Variants in BYSL observed in about 807,000 individuals in gnomAD.
BYSL encodes bystin.
Under a neutral mutation model 45.4 loss-of-function variants are expected in BYSL, and 21 were observed. That is an observed-to-expected ratio of 0.46 (90% CI 0.33 to 0.67). BYSL has a LOEUF of 0.67. Among genes scored for constraint, BYSL ranks in the 30% least tolerant of loss-of-function variants. The pLI is 0.02. For missense variants in BYSL, 522 were observed against 578.5 expected, an observed-to-expected ratio of 0.90 and a Z score of 1.00; for synonymous variants, 215 against 231.3, an observed-to-expected ratio of 0.93 and a Z score of 0.64.
At chr6:41,929,559 A>G (rs1372616944) in intron 2 of BYSL, among the ~76,000 whole-genome samples, 1 of 152,242 alleles carries the variant, frequency 6.6e-6, no homozygotes, top group Non-Finnish European at 1.5e-5. Context: ...ATGACAGCTC[A>G]AGGCGATGGT....
upstream of BYSL, chr6:41,920,955 G>A (rs1319890720): frequency 1.3e-6 from 2 of 1,592,844 alleles, no homozygotes. Context: ...TCCTCTTTCC[G>A]GCCTTTCACA....
Position 41,921,578 on chromosome 6 carries a change from G to A in BYSL, c.16G>A (p.Ala6Thr), listed in dbSNP as rs1256824668. 2 of 1,576,524 alleles carry A rather than the reference G, an allele frequency of 1.3e-6. No individual in the cohort carries two copies. Among genetic ancestry groups the A allele is most frequent in the Non-Finnish European group, 1.7e-6 (2 of 1,159,992 alleles). ...TTCGAGAAAAATGCCCAAATTCAAG[G>A]CGGCCCGTGGGGTGGGGGGTCAGGA... The part of the protein sequence containing the change: MPKFK[A>T]ARGVGGQEKH... The change falls in exon 1 of 7, where the codon GCG becomes ACG. Residue 6 changes from alanine to threonine, a missense_variant. Ala to Thr is a moderately conservative substitution (Grantham distance 58). Coordinates refer to ENST00000230340, the MANE Select transcript of BYSL (RefSeq NM_004053.4).
At position 41,932,732 on chromosome 6, in the gene BYSL, A is replaced by C. The variant is rs775107444; in HGVS notation, c.*26A>C. 1.3e-6 allele frequency: 2 copies of C among 1,583,350 alleles called. No individual in the cohort carries two copies. The highest frequency in any genetic ancestry group is 1.7e-6 in the Non-Finnish European group (2 of 1,161,906). On this transcript the variant is annotated 3_prime_UTR_variant, in exon 7 of 7. Coordinates refer to ENST00000230340, the MANE Select transcript of BYSL (RefSeq NM_004053.4). This position sits in a 1 kb window ranked among gnomAD's most constrained non-coding sequence, Gnocchi z 4.7. ...GGAAAACAGTCAGCTGTCCTGGCCA[A>C]AGGGGTTTGGAAGGACACCAAGACC...
At chr6:41,929,422 A>G (rs1298061640) in intron 2 of BYSL, among the ~76,000 whole-genome samples, 2 of 152,184 alleles carry the variant, frequency 1.3e-5, no homozygotes, top group Non-Finnish European at 2.9e-5. Context: ...CGCTTGAGCC[A>G]GAGAGATAGA....
chr6:41,921,072 G>C, upstream of BYSL: 1 of 1,603,720 alleles, frequency 6.2e-7, no homozygotes, highest in Admixed American at 1.7e-5. Context: ...AGGGTTCCCT[G>C]TCCGCCCACA....
At chr6:41,921,013 TC>T, upstream of BYSL, 1 of 1,612,818 alleles carries the variant, frequency 6.2e-7, no homozygotes, top group South Asian at 1.1e-5. Context: ...ACCAAGTCAC[TC>T]CCATGGCGTC....
rs181622236 is a variant in BYSL, at chr6:41,921,980, T to A, written c.268+150T>A. On this transcript the variant is annotated intron_variant, in intron 1 of 6. Transcript: ENST00000230340. ...GGAGACTGAACCCTGTCTAGAGCCC[T>A]CCGCGTCCACTCCTAGTTTTAGGCA... 2.4e-6 allele frequency: 3 copies of A among 1,225,872 alleles called. No homozygotes were observed. The East Asian group carries it at 8.1e-5, about 33-fold the overall frequency. The allele number at this position is 1,225,872 out of a possible 1,614,324, so 75.9% of individuals were successfully genotyped here.
At chr6:41,930,936 G>T (rs1392916691) in intron 4 of BYSL, among the ~76,000 whole-genome samples, 168 bp downstream of exon 4, 1 of 152,126 alleles carries the variant, frequency 6.6e-6, no homozygotes, top group Non-Finnish European at 1.5e-5. Context: ...TCATTTTTTG[G>T]GGCCAAGACC....
the BYSL span, chr6:41,913,058 T>A: frequency 6.7e-6 from 1 of 149,400 alleles, no homozygotes; most frequent in Non-Finnish European, 1.5e-5. Context: ...AATAGTGAGC[T>A]ATGATCATGC....
At chr6:41,930,470 C>A in intron 3 of BYSL, 165 bp from the exon 4 acceptor site, 1 of 1,216,602 alleles carries the variant, frequency 8.2e-7, no homozygotes, top group Non-Finnish European at 1.1e-6. Context: ...GTTACTGGAA[C>A]TCTCACTGGT....
rs114985437 is a variant in BYSL at position 41,931,560 on chromosome 6, G to A, written c.865+4G>A. 424 of 1,614,164 alleles carry A rather than the reference G, an allele frequency of 2.6e-4. No individual in the cohort carries two copies. The African/African-American group carries it at 5.1e-3, about 20-fold the overall frequency. ...AAACCTGGAGCCTGGTTCAAAGGTG[G>A]GATCCCAGAGGCACGGAAGAAAGGG... On this transcript the variant is annotated splice_donor_region_variant and intron_variant, in intron 5 of 6. Transcript: ENST00000230340.
chr6:41,932,737 G>T lies in BYSL; in HGVS notation c.*31G>T. 2 of 1,572,448 alleles carry T rather than the reference G, an allele frequency of 1.3e-6. No individual in the cohort carries two copies. Among genetic ancestry groups the T allele is most frequent in the Non-Finnish European group, 1.7e-6 (2 of 1,156,258 alleles). On this transcript the variant is annotated 3_prime_UTR_variant, in exon 7 of 7. Transcript: ENST00000230340. This position sits in a 1 kb window ranked among gnomAD's most constrained non-coding sequence, Gnocchi z 4.7. ...ACAGTCAGCTGTCCTGGCCAAAGGGGTTTGGAAGGACACCAAGACCCCCGT... is the reference window on the plus strand; with the variant it reads ...ACAGTCAGCTGTCCTGGCCAAAGGGTTTTGGAAGGACACCAAGACCCCCGT...
Position 41,930,716 on chromosome 6 carries a change from T to C in BYSL, c.652T>C (p.Tyr218His). Residue 218 changes from tyrosine to histidine, a missense_variant, in exon 4 of 7, where the codon TAC becomes CAC. Tyr to His is a moderately conservative substitution (Grantham distance 83). Coordinates refer to ENST00000230340, the MANE Select transcript of BYSL (RefSeq NM_004053.4). ...ACTCTCCAACTGGGAGCAAATCCTC[T>C]ACGTCACAGAGCCGGAGGCCTGGAC... ...PALSNWEQIL[Y>H]VTEPEAWTAA... is the part of the protein sequence containing the mutation. The C allele has an allele frequency of 6.2e-7, 1 of 1,614,102 alleles. No homozygotes were observed. The highest frequency in any genetic ancestry group is 8.5e-7 in the Non-Finnish European group (1 of 1,179,976).
At chr6:41,912,436 A>C in the BYSL span, among the ~76,000 whole-genome samples, 131 of 144,528 alleles carry the variant, frequency 9.1e-4, 1 homozygote, top group African/African-American at 3.1e-3. Flanking sequence ...GGCTCACTGC[A>C]GCCTCTGCCT....
chr6:41,913,088 TGACA>T, the BYSL span: 1 of 141,624 alleles, frequency 7.1e-6, no homozygotes, highest in Non-Finnish European at 1.5e-5. Flanking sequence ...CCAGCCTGGG[TGACA>T]GAGAGACCCT....
intron 1 of BYSL, 74 bp downstream of exon 1, chr6:41,921,904 G>C: frequency 6.6e-7 from 1 of 1,504,836 alleles, no homozygotes; most frequent in Admixed American, 2.2e-5. Context: ...AAAAGTGTCT[G>C]GCAGGGGAAT....
chr6:41,913,127 TGGG>T, the BYSL span: 1 of 133,312 alleles, frequency 7.5e-6, no homozygotes, highest in Non-Finnish European at 1.6e-5. Context: ...AAAAAAAAGG[TGGG>T]GGGAAATGCA....
upstream of BYSL, among the ~76,000 whole-genome samples, chr6:41,919,888 C>G (rs1252726959): frequency 6.6e-6 from 1 of 152,166 alleles, no homozygotes. Context: ...TCGTAGGAAG[C>G]AAGAGTGCAA....
At chr6:41,917,393 C>A, upstream of BYSL, 1 of 175,606 alleles carries the variant, frequency 5.7e-6, no homozygotes, top group Non-Finnish European at 1.2e-5. Flanking sequence ...GGGCGAGACG[C>A]CATCTTAAAA....
Sources: allele counts gnomAD v4.1 joint callset (sites outside exome capture counted in the v4.1 genomes callset), GRCh38; gene constraint gnomAD v4.1.1; non-coding constraint Gnocchi (gnomAD v3.1); transcripts MANE v1.5; gene names NCBI Gene and HGNC (gene_info 2026-07-23, HGNC 2026-07-21).